Variants in KCND2 observed in about 807,000 individuals in gnomAD.
The protein encoded by KCND2 is potassium voltage-gated channel subfamily D member 2, also known as A-type voltage-gated potassium channel KCND2.
A neutral mutation model predicts 54.4 loss-of-function variants in KCND2; 16 were observed. The observed-to-expected ratio is 0.29, with a 90% CI of 0.20 to 0.45. The LOEUF (loss-of-function observed/expected upper bound fraction) is 0.45. Among genes scored for constraint, KCND2 ranks in the 20% least tolerant of loss-of-function variants. KCND2 has a pLI of 1.00. For missense variants in KCND2, 486 were observed against 824.2 expected (o/e 0.59, Z 5.02); for synonymous variants, 317 against 310.7 (o/e 1.02, Z -0.21).
chr7:120,332,722 A>T (rs966199238), intron 1 of KCND2, among the ~76,000 whole-genome samples: 1 of 152,108 alleles, frequency 6.6e-6, no homozygotes, highest in Non-Finnish European at 1.5e-5. Context: ...GAAACAAATT[A>T]TAAAAGCTCA....
chr7:120,502,680 G>T (rs1212947505), intron 1 of KCND2, among the ~76,000 whole-genome samples: 1 of 151,956 alleles, frequency 6.6e-6, no homozygotes, highest in African/African-American at 2.4e-5. Context: ...CCACACGTCG[G>T]CTACTCTGCT....
chr7:120,599,117 G>C (rs1372603106), intron 1 of KCND2, among the ~76,000 whole-genome samples: 1 of 152,092 alleles, frequency 6.6e-6, no homozygotes, highest in Non-Finnish European at 1.5e-5. Context: ...CACCTTTGTA[G>C]AAAATCAGTT....
chr7:120,575,500 C>T (rs901773156), intron 1 of KCND2, among the ~76,000 whole-genome samples: 6 of 152,294 alleles, frequency 3.9e-5, no homozygotes, highest in African/African-American at 1.4e-4. Flanking sequence ...GGGTCTGCCT[C>T]TCCAAGTCCA....
At chr7:120,565,700 T>C (rs971736770) in intron 1 of KCND2, among the ~76,000 whole-genome samples, 2 of 152,224 alleles carry the variant, frequency 1.3e-5, no homozygotes, top group Non-Finnish European at 2.9e-5. Flanking sequence ...AAAAGTGTCA[T>C]GAGACTTCTT....
chr7:120,547,172 C>T (rs1054949267), intron 1 of KCND2, among the ~76,000 whole-genome samples: 1 of 151,692 alleles, frequency 6.6e-6, no homozygotes, highest in African/African-American at 2.4e-5. Flanking sequence ...TTTAAATTTT[C>T]CTTCTGTTAA....
chr7:120,637,508 A>C (rs960614943), intron 1 of KCND2, among the ~76,000 whole-genome samples: 1 of 152,150 alleles, frequency 6.6e-6, no homozygotes, highest in Non-Finnish European at 1.5e-5. Flanking sequence ...AAGAGCAAGA[A>C]ATAACTCAGT....
Position 120,357,820 on chromosome 7 carries a change from AT to A in KCND2, c.1115+82074del, listed in dbSNP as rs554570867. 1.0e-3 allele frequency among the ~76,000 whole-genome samples: 158 copies of A among 152,210 alleles called. 1 individual carries two copies. Among genetic ancestry groups the A allele is most frequent in the African/African-American group, 3.7e-3 (155 of 41,530 alleles). On this transcript the variant is annotated intron_variant, in intron 1 of 5. Coordinates refer to ENST00000331113, the MANE Select transcript of KCND2 (RefSeq NM_012281.3). The stretch of plus-strand genomic sequence containing the variant: ...ACTGATGGTGCCTCTGTCTCCTCTT[AT>A]AAGGATATGAGTTCTGTTGGATTAT...
At chr7:120,276,819 T>C (rs553275352) in intron 1 of KCND2, among the ~76,000 whole-genome samples, 4 of 152,234 alleles carry the variant, frequency 2.6e-5, no homozygotes, top group African/African-American at 9.6e-5. Flanking sequence ...TAAAATAAAA[T>C]GGTTAGATCT....
chr7:120,534,079 G>A lies in KCND2; in HGVS notation c.1116-198824G>A, dbSNP rs149286272. 1.7e-3 allele frequency among the ~76,000 whole-genome samples: 264 copies of A among 152,238 alleles called. 1 individual carries two copies. Among genetic ancestry groups the A allele is most frequent in the Middle Eastern group, 6.8e-3 (2 of 294 alleles). On this transcript the variant is annotated intron_variant, in intron 1 of 5. Coordinates refer to ENST00000331113, the MANE Select transcript of KCND2 (RefSeq NM_012281.3). ...TTTTGTACAAATCTACACAGGGCAT[G>A]TTTAAATAATTTGTGTAGATACTCC...
In KCND2 at chr7:120,485,178, G is replaced by A. The variant is rs190182542; in HGVS notation, c.1115+209431G>A. Among the ~76,000 whole-genome samples the A allele has an allele frequency of 3.9e-5, 6 of 152,238 alleles. No individual in the cohort carries two copies. In the East Asian group the frequency reaches 9.6e-4, roughly 24 times the overall value. The stretch of plus-strand genomic sequence containing the variant: ...GCTGAGTTTATAGGCATGAGTGACT[G>A]CACCCAGCCTCATTTAATGTAATAT... On this transcript the variant is annotated intron_variant, in intron 1 of 5. Coordinates refer to ENST00000331113, the MANE Select transcript of KCND2 (RefSeq NM_012281.3).
At chr7:120,425,011 A>T (rs1197424914) in intron 1 of KCND2, among the ~76,000 whole-genome samples, 1 of 152,242 alleles carries the variant, frequency 6.6e-6, no homozygotes, top group Non-Finnish European at 1.5e-5. Flanking sequence ...AGGGTAACAA[A>T]TTGATTTCAT....
At position 120,727,298 on chromosome 7, in the gene KCND2, A is replaced by G. The variant is rs1239707515; in HGVS notation, c.1116-5605A>G. Among the ~76,000 whole-genome samples, 9 of 152,324 alleles carry G rather than the reference A, an allele frequency of 5.9e-5. 1 individual carries two copies. The South Asian group carries it at 1.9e-3, about 32-fold the overall frequency. ...CATGCAACTTCTGAAGAAATACTAA[A>G]CAGGGAAATATTTAGTAAGGTGTCA... On this transcript the variant is annotated intron_variant, in intron 1 of 5. Transcript: ENST00000331113.
intron 1 of KCND2, among the ~76,000 whole-genome samples, chr7:120,447,131 A>T (rs1377096534): frequency 6.6e-6 from 1 of 152,138 alleles, no homozygotes; most frequent in Non-Finnish European, 1.5e-5. Context: ...ACTCAAACTT[A>T]GGAAGTTGGC....
chr7:120,379,239 T>C (rs1800881302), intron 1 of KCND2, among the ~76,000 whole-genome samples: 1 of 151,996 alleles, frequency 6.6e-6, no homozygotes, highest in Admixed American at 6.6e-5. Flanking sequence ...ATATTTTGGT[T>C]ATTGGCATAC....
At chr7:120,373,396 A>C (rs1026291222) in intron 1 of KCND2, among the ~76,000 whole-genome samples, 2 of 151,922 alleles carry the variant, frequency 1.3e-5, no homozygotes, top group Non-Finnish European at 2.9e-5. Context: ...TCATCATATC[A>C]CATTGGAAAG....
chr7:120,566,343 CT>C lies in KCND2; in HGVS notation c.1116-166551del, dbSNP rs571325177. On this transcript the variant is annotated intron_variant, in intron 1 of 5. Coordinates refer to ENST00000331113, the MANE Select transcript of KCND2 (RefSeq NM_012281.3). ...GTGTGTGTGCGCATGGATATTTTGCCTTTTTTTTTCCTTTTAAGATGAGGTC... is the reference window on the plus strand; with the variant it reads ...GTGTGTGTGCGCATGGATATTTTGCCTTTTTTTTCCTTTTAAGATGAGGTC... Among the ~76,000 whole-genome samples the C allele has an allele frequency of 2.6e-3, 393 of 150,948 alleles. 5 individuals are homozygous for C. The highest frequency in any genetic ancestry group is 9.2e-3 in the African/African-American group (379 of 41,110).
At chr7:120,671,909 C>G (rs773187012) in intron 1 of KCND2, among the ~76,000 whole-genome samples, 2 of 152,102 alleles carry the variant, frequency 1.3e-5, no homozygotes, top group Non-Finnish European at 2.9e-5. Context: ...GATTATTTCT[C>G]ATTCCTCAAA....
chr7:120,673,636 T>G (rs1202557231), intron 1 of KCND2, among the ~76,000 whole-genome samples: 1 of 152,168 alleles, frequency 6.6e-6, no homozygotes, highest in Non-Finnish European at 1.5e-5. Flanking sequence ...CAGAATAAAC[T>G]TACTACAGCC....
chr7:120,373,703 G>A (rs10257004), intron 1 of KCND2, among the ~76,000 whole-genome samples: 1 of 151,758 alleles, frequency 6.6e-6, no homozygotes, highest in Non-Finnish European at 1.5e-5. Context: ...AGTAGACATA[G>A]ACAAAATTAA....
Sources: allele counts gnomAD v4.1 joint callset (sites outside exome capture counted in the v4.1 genomes callset), GRCh38; gene constraint gnomAD v4.1.1; transcripts MANE v1.5; gene names NCBI Gene and HGNC (gene_info 2026-07-23, HGNC 2026-07-21).